MYO9B: variants seen among roughly 807,000 people sequenced by gnomAD.
MYO9B encodes the protein unconventional myosin-IXb.
Under a neutral mutation model 229.5 loss-of-function variants are expected in MYO9B, and 71 were observed. The ratio of observed to expected loss-of-function variants is 0.31; its 90% CI spans 0.26 to 0.38. The LOEUF is 0.38. MYO9B is among the 10% of genes least tolerant of loss of function. The probability of loss-of-function intolerance (pLI) is 1.00; values close to 1 mark genes in which losing one functional copy is unlikely to be tolerated. For missense variants in MYO9B, 2,255 were observed against 2,920.5 expected (o/e 0.77, Z 5.25); for synonymous variants, 1,185 against 1,235.8 (o/e 0.96, Z 0.86).
At chr19:17,140,821 G>T (rs2072330227) in intron 2 of MYO9B, among the ~76,000 whole-genome samples, 1 of 150,038 alleles carries the variant, frequency 6.7e-6, no homozygotes, top group Admixed American at 6.6e-5. Flanking sequence ...GTTTGTCGGG[G>T]GCCAGGCATG....
At chr19:17,132,877 C>T (rs1465335186) in intron 2 of MYO9B, among the ~76,000 whole-genome samples, 1 of 146,900 alleles carries the variant, frequency 6.8e-6, no homozygotes, top group South Asian at 2.1e-4. Context: ...GAGACGGAGT[C>T]TCGCTCTGTC....
At chr19:17,146,681 CA>C (rs1440034381) in intron 3 of MYO9B, among the ~76,000 whole-genome samples, 1 of 151,894 alleles carries the variant, frequency 6.6e-6, no homozygotes, top group Non-Finnish European at 1.5e-5. Flanking sequence ...GTGGATGTGT[CA>C]ATTAGCGAAT....
At chr19:17,158,733 G>T (rs1219926635) in intron 7 of MYO9B, among the ~76,000 whole-genome samples, 1 of 152,184 alleles carries the variant, frequency 6.6e-6, no homozygotes, top group Non-Finnish European at 1.5e-5. Flanking sequence ...CTAAGCCCAG[G>T]CCCTGTGCAA....
In MYO9B at chr19:17,205,324, C is replaced by T; in HGVS notation, c.5052C>T (p.Thr1684=). 3.7e-6 allele frequency: 6 copies of T among 1,613,734 alleles called. No individual in the cohort carries two copies. The highest frequency in any genetic ancestry group is 5.1e-6 in the Non-Finnish European group (6 of 1,179,724). ...AGATTCAGAGCCACTGCTCCTACACCTACGGGAGGAAGGTGAGTGTACGAG... is the reference window on the plus strand; with the variant it reads ...AGATTCAGAGCCACTGCTCCTACACTTACGGGAGGAAGGTGAGTGTACGAG... The part of the protein sequence containing the change: ...VHKIQSHCSY[T]YGRKGEPGVE... Residue 1684 remains threonine, a synonymous_variant, in exon 31 of 40, where the codon ACC becomes ACT. Coordinates refer to ENST00000682292, the MANE Select transcript of MYO9B (RefSeq NM_004145.4).
intron 2 of MYO9B, among the ~76,000 whole-genome samples, chr19:17,144,659 T>G (rs1221574009): frequency 6.6e-6 from 1 of 151,582 alleles, no homozygotes; most frequent in Non-Finnish European, 1.5e-5. Context: ...AGCCCTACTT[T>G]GCAGGAACAG....
At chr19:17,124,865 T>C (rs2058000549) in intron 2 of MYO9B, among the ~76,000 whole-genome samples, 1 of 151,438 alleles carries the variant, frequency 6.6e-6, no homozygotes, top group African/African-American at 2.4e-5. Flanking sequence ...ATATTTAAAG[T>C]GATGGTAGGA....
chr19:17,078,859 A>C (rs909357626), intron 1 of MYO9B, among the ~76,000 whole-genome samples: 1 of 152,208 alleles, frequency 6.6e-6, no homozygotes, highest in Non-Finnish European at 1.5e-5. Flanking sequence ...CTGATACAGA[A>C]ACAGGCCCAG....
intron 2 of MYO9B, among the ~76,000 whole-genome samples, chr19:17,122,625 T>A (rs557336095): frequency 6.6e-6 from 1 of 152,312 alleles, no homozygotes; most frequent in African/African-American, 2.4e-5. Flanking sequence ...GGCACATGCT[T>A]GTAATCCAAG....
In MYO9B at chr19:17,183,926, G is replaced by A. The variant is rs114129979; in HGVS notation, c.2373+58G>A. On this transcript the variant is annotated intron_variant, in intron 16 of 39. Transcript: ENST00000682292. The stretch of plus-strand genomic sequence containing the variant: ...TCCAAGATATCTTGCTTCTCTGCCC[G>A]TCTTGAGAGCTTTCACTTCTGCAAC... 1.5e-3 allele frequency: 2,280 copies of A among 1,487,514 alleles called. 21 individuals are homozygous for A. In the African/African-American group the frequency reaches 0.027, roughly 17 times the overall value. The allele number at this position is 1,487,514 out of a possible 1,614,324, so 92.1% of individuals were successfully genotyped here.
chr19:17,121,721 C>T (rs551823476), intron 2 of MYO9B, among the ~76,000 whole-genome samples: 1 of 152,282 alleles, frequency 6.6e-6, no homozygotes, highest in South Asian at 2.1e-4. Context: ...CGCGGTGGCT[C>T]ACGCCGATAA....
intron 2 of MYO9B, among the ~76,000 whole-genome samples, chr19:17,110,686 CTGGACTCCATGGAGCCCCTG>C (rs1170440377): frequency 6.6e-6 from 1 of 152,150 alleles, no homozygotes; most frequent in East Asian, 1.9e-4. Flanking sequence ...CCAAGGGTCC[CTGGACTCCATGGAGCCCCTG>C]TGGCCCGGCC....
chr19:17,102,610 C>G (rs180849371), intron 2 of MYO9B, 53 bp downstream of exon 2: 7 of 1,483,782 alleles, frequency 4.7e-6, no homozygotes, highest in Admixed American at 2.3e-5. Context: ...TTGGAAAATG[C>G]GGGTTTCAGG....
In MYO9B at chr19:17,203,249, C is replaced by T; in HGVS notation, c.4981C>T (p.Leu1661Phe). The change falls in exon 30 of 40, where the codon CTC becomes TTC. Residue 1661 changes from leucine to phenylalanine, a missense_variant. By Grantham distance (22) the Leu-to-Phe change is conservative. Transcript: ENST00000682292. Reference protein sequence around the residue: ...SYIWLMDKALLCSVCKMTCHK... With the variant: ...SYIWLMDKALFCSVCKMTCHK... Reference sequence around the variant, plus strand: ...TATCTGGCTCATGGACAAGGCCCTGCTCTGCAGCGGTGAGTGGCTCCCCCA... The same window carrying T: ...TATCTGGCTCATGGACAAGGCCCTGTTCTGCAGCGGTGAGTGGCTCCCCCA... 2 of 1,554,566 alleles carry T rather than the reference C, an allele frequency of 1.3e-6. No homozygotes were observed. The highest frequency in any genetic ancestry group is 1.7e-6 in the Non-Finnish European group (2 of 1,148,302).
At chr19:17,134,062 GC>G (rs1348007309) in intron 2 of MYO9B, among the ~76,000 whole-genome samples, 6 of 152,046 alleles carry the variant, frequency 3.9e-5, no homozygotes, top group African/African-American at 1.4e-4. Flanking sequence ...TGCCTGGCCT[GC>G]TTTCTACTTC....
intron 2 of MYO9B, among the ~76,000 whole-genome samples, chr19:17,136,341 G>A (rs1226887757): frequency 6.6e-6 from 1 of 152,068 alleles, no homozygotes; most frequent in Non-Finnish European, 1.5e-5. Flanking sequence ...CTCGAGACTG[G>A]GGGTTTCACT....
chr19:17,118,375 G>C (rs1361450285), intron 2 of MYO9B, among the ~76,000 whole-genome samples: 1 of 152,064 alleles, frequency 6.6e-6, no homozygotes, highest in African/African-American at 2.4e-5. Flanking sequence ...GCTGAGGCAG[G>C]AGGATAGCTT....
intron 2 of MYO9B, among the ~76,000 whole-genome samples, chr19:17,123,876 C>T (rs1212886168): frequency 6.6e-6 from 1 of 151,954 alleles, no homozygotes; most frequent in African/African-American, 2.4e-5. Flanking sequence ...ATACATGGAA[C>T]ATTCTCAAAA....
intron 2 of MYO9B, among the ~76,000 whole-genome samples, chr19:17,127,667 C>T (rs899369969): frequency 7.2e-5 from 11 of 152,158 alleles, no homozygotes; most frequent in African/African-American, 1.2e-4. Context: ...GTCCCTAGAA[C>T]GTAGGCTGTA....
intron 1 of MYO9B, among the ~76,000 whole-genome samples, chr19:17,098,258 T>A (rs2057711903): frequency 6.6e-6 from 1 of 152,194 alleles, no homozygotes; most frequent in African/African-American, 2.4e-5. Context: ...TTTCACCATG[T>A]TGGTCAGGCT....
Sources: allele counts gnomAD v4.1 joint callset (sites outside exome capture counted in the v4.1 genomes callset), GRCh38; gene constraint gnomAD v4.1.1; transcripts MANE v1.5; gene names NCBI Gene and HGNC (gene_info 2026-07-23, HGNC 2026-07-21).